The following ANKRD17 variants were observed in gnomAD, a reference collection of about 807,000 sequenced individuals.
ANKRD17 encodes ankyrin repeat domain 17.
Under a neutral mutation model 229.7 loss-of-function variants are expected in ANKRD17, and 19 were observed. That is an observed-to-expected ratio of 0.08 (90% CI 0.06 to 0.12). ANKRD17 has a LOEUF of 0.12. ANKRD17 is among the 10% of genes least tolerant of loss of function. ANKRD17 has a pLI of 1.00. For missense variants in ANKRD17, 2,176 were observed against 3,176.8 expected, an observed-to-expected ratio of 0.68 and a Z score of 7.57; for synonymous variants, 1,112 against 1,146.1, an observed-to-expected ratio of 0.97 and a Z score of 0.60.
At position 73,258,461 on chromosome 4, in the gene ANKRD17, G is replaced by A; in HGVS notation, c.208C>T (p.Gln70Ter). The A allele has an allele frequency of 6.2e-7, 1 of 1,604,492 alleles. No homozygotes were observed. The change falls in exon 1 of 34, where the codon CAG becomes TAG. Residue 70 changes from glutamine (Q) to a stop codon, truncating the protein, a stop_gained. Coordinates refer to ENST00000358602, the MANE Select transcript of ANKRD17 (RefSeq NM_032217.5). LOFTEE classifies it high-confidence loss of function. Reference protein sequence around the residue: ...LLLKKKPPQQQHHKAKRNRTC... With the variant: ...LLLKKKPPQQ ...CGGTTACGCTTGGCCTTGTGGTGCT[G>A]CTGCTGCGGCGGCTTCTTCTTCAGG...
At chr4:73,105,897 A>C (rs1724553023) in intron 24 of ANKRD17, among the ~76,000 whole-genome samples, 1 of 152,226 alleles carries the variant, frequency 6.6e-6, no homozygotes, top group Non-Finnish European at 1.5e-5. Context: ...TTGAAGATAA[A>C]GGCATAGGGA....
At chr4:73,140,636 A>AT (rs1729480554) in intron 14 of ANKRD17, among the ~76,000 whole-genome samples, 1 of 152,188 alleles carries the variant, frequency 6.6e-6, no homozygotes, top group Non-Finnish European at 1.5e-5. Context: ...AAAACTCATC[A>AT]TAAGAACAGA....
At chr4:73,151,596 T>C (rs1731006841) in intron 6 of ANKRD17, 72 bp from the exon 7 acceptor site, 1 of 1,163,400 alleles carries the variant, frequency 8.6e-7, no homozygotes, top group Non-Finnish European at 1.2e-6. Context: ...ATTATAATAT[T>C]TTGAAAAGTT....
chr4:73,130,479 T>C (rs1408495104), intron 16 of ANKRD17, among the ~76,000 whole-genome samples: 1 of 152,078 alleles, frequency 6.6e-6, no homozygotes, highest in East Asian at 1.9e-4. Context: ...AAAGGTAAAA[T>C]ATAATTTTAC....
At chr4:73,135,328 T>C (rs998605538) in intron 15 of ANKRD17, 63 bp from the exon 16 acceptor site, 2 of 1,474,612 alleles carry the variant, frequency 1.4e-6, no homozygotes, top group Non-Finnish European at 1.8e-6. Context: ...CTAAGACATA[T>C]TCACTCAAAA....
rs758098931 is a variant in ANKRD17, at chr4:73,092,304, T to C, written c.5328-4A>G. 2 of 1,585,296 alleles carry C rather than the reference T, an allele frequency of 1.3e-6. No individual in the cohort carries two copies. The highest frequency in any genetic ancestry group is 1.7e-6 in the Non-Finnish European group (2 of 1,170,334). ...TCTTGTTGATTCAGTGCCACCCCTA[T>C]AAATTGAGAAAAAAAAATTAGGTAG... On this transcript the variant is annotated splice_region_variant and splice_polypyrimidine_tract_variant and intron_variant, in intron 28 of 33. Transcript: ENST00000358602.
chr4:73,215,938 C>T (rs1740972080), intron 1 of ANKRD17, among the ~76,000 whole-genome samples: 1 of 152,170 alleles, frequency 6.6e-6, no homozygotes, highest in Admixed American at 6.5e-5. Flanking sequence ...TGGTGGCTGG[C>T]ACCTGTAGTC....
intron 6 of ANKRD17, among the ~76,000 whole-genome samples, chr4:73,152,352 T>C (rs1281644516): frequency 6.6e-6 from 1 of 152,126 alleles, no homozygotes; most frequent in Non-Finnish European, 1.5e-5. Flanking sequence ...ATTTGTCAAC[T>C]ACCTACCATC....
At chr4:73,218,399 T>C (rs1312692975) in intron 1 of ANKRD17, among the ~76,000 whole-genome samples, 3 of 152,026 alleles carry the variant, frequency 2.0e-5, no homozygotes, top group African/African-American at 4.8e-5. Context: ...ACTGAGCACT[T>C]TGGGAGGCCG....
intron 25 of ANKRD17, among the ~76,000 whole-genome samples, chr4:73,101,441 G>C (rs555224342): frequency 6.6e-6 from 1 of 152,192 alleles, no homozygotes; most frequent in East Asian, 1.9e-4. Context: ...AGGCAGGGGG[G>C]ATCACTTGAG....
intron 16 of ANKRD17, among the ~76,000 whole-genome samples, chr4:73,129,417 T>C (rs1359503471): frequency 1.3e-5 from 2 of 152,088 alleles, no homozygotes; most frequent in South Asian, 4.1e-4. Context: ...CACTGAACTG[T>C]GTGAAGTGTC....
chr4:73,188,224 TAC>T (rs1162655441), intron 1 of ANKRD17, among the ~76,000 whole-genome samples: 2 of 152,020 alleles, frequency 1.3e-5, no homozygotes, highest in Non-Finnish European at 2.9e-5. Flanking sequence ...ACTCTCAGAA[TAC>T]AGAGTAAATG....
chr4:73,113,456 TA>T (rs1725569300), intron 24 of ANKRD17: 1 of 1,120,834 alleles, frequency 8.9e-7, no homozygotes, highest in African/African-American at 1.6e-5. Flanking sequence ...TTACAAGGTC[TA>T]AAACAATAAA....
chr4:73,146,548 A>T (rs1286768877), intron 10 of ANKRD17, among the ~76,000 whole-genome samples: 1 of 152,128 alleles, frequency 6.6e-6, no homozygotes, highest in East Asian at 1.9e-4. Context: ...TTTTCTATGG[A>T]AAATGAGGGA....
At chr4:73,171,647 C>A (rs953156248) in intron 2 of ANKRD17, among the ~76,000 whole-genome samples, 5 of 152,058 alleles carry the variant, frequency 3.3e-5, no homozygotes, top group African/African-American at 1.2e-4. Flanking sequence ...GTATTGAGGA[C>A]ACTCAAAGAA....
intron 1 of ANKRD17, among the ~76,000 whole-genome samples, chr4:73,217,886 T>C (rs750083805): frequency 1.3e-5 from 2 of 152,172 alleles, no homozygotes; most frequent in Non-Finnish European, 1.5e-5. Context: ...TACGCAAATA[T>C]TCCAAAACCT....
At chr4:73,248,357 T>C (rs1206020077) in intron 1 of ANKRD17, among the ~76,000 whole-genome samples, 1 of 151,976 alleles carries the variant, frequency 6.6e-6, no homozygotes, top group East Asian at 1.9e-4. Context: ...AGGCACACAG[T>C]TACACCAAAA....
At chr4:73,134,304 A>C (rs954987762) in intron 16 of ANKRD17, among the ~76,000 whole-genome samples, 110 of 152,174 alleles carry the variant, frequency 7.2e-4, no homozygotes, top group African/African-American at 2.3e-3. Flanking sequence ...AGAAATAATC[A>C]TATATAAAAT....
At chr4:73,096,987 G>T in intron 27 of ANKRD17, 130 bp downstream of exon 27, 2 of 1,080,902 alleles carry the variant, frequency 1.9e-6, no homozygotes, top group Non-Finnish European at 2.6e-6. Context: ...CTCTCTGTTG[G>T]TCAAATTTAG....
Sources: gnomAD v4.1 joint callset for allele counts (sites outside exome capture counted in the v4.1 genomes callset) on GRCh38, gnomAD v4.1.1 for gene constraint, MANE v1.5 for transcripts, NCBI Gene and HGNC (gene_info 2026-07-23, HGNC 2026-07-21) for gene names.